ITGBL1: variants seen among roughly 807,000 people sequenced by gnomAD.
ITGBL1 encodes the protein integrin subunit beta like 1.
ITGBL1 carries 51 observed loss-of-function variants against 68.5 expected under a neutral mutation model. The ratio of observed to expected loss-of-function variants is 0.74; its 90% confidence interval spans 0.59 to 0.94. ITGBL1 has a LOEUF of 0.94. ITGBL1 is among the 40% of genes least tolerant of loss of function. The pLI is 0.00. For missense variants in ITGBL1, 649 were observed against 647.4 expected (o/e 1.00, Z -0.03); for synonymous variants, 209 against 227.3 (o/e 0.92, Z 0.72).
Position 101,706,881 on chromosome 13 carries a change from G to A in ITGBL1, c.1258G>A (p.Gly420Ser), listed in dbSNP as rs757640244. The A allele has an allele frequency of 2.5e-6, 4 of 1,614,066 alleles. No homozygotes were observed. Among genetic ancestry groups the A allele is most frequent in the South Asian group, 2.2e-5 (2 of 91,080 alleles). The change falls in exon 9 of 11, where the codon GGC becomes AGC. Residue 420 changes from glycine to serine, a missense_variant. By Grantham distance (56) the Gly-to-Ser change is moderately conservative (BLOSUM62 0). Coordinates refer to ENST00000376180, the MANE Select transcript of ITGBL1 (RefSeq NM_004791.3). Reference protein sequence around the residue: ...QSKNLCESADGILCSGKGSCH... With the variant: ...QSKNLCESADSILCSGKGSCH... ...CAAGAATCTGTGTGAATCAGCAGAT[G>A]GCATATTGTGCTCGGGGAAGGGTGA...
At position 101,453,880 on chromosome 13, in the gene ITGBL1, C is replaced by T; in HGVS notation, c.99-3C>T. 1 of 1,240,726 alleles carries T rather than the reference C, an allele frequency of 8.1e-7. No individual in the cohort carries two copies. 76.9% of individuals were successfully genotyped at this position (1,240,726 alleles called of 1,614,324 possible). The stretch of plus-strand genomic sequence containing the variant: ...GCCTGCCGGTTGCTTGTCGCCCGCG[C>T]AGGAGCTGGCCGGGCGCCGCCTGCA... On this transcript the variant is annotated splice_polypyrimidine_tract_variant and splice_region_variant and intron_variant, in intron 1 of 10. Transcript: ENST00000376180.
chr13:101,466,814 C>G (rs181012321), intron 2 of ITGBL1, among the ~76,000 whole-genome samples: 1 of 152,270 alleles, frequency 6.6e-6, no homozygotes, highest in African/African-American at 2.4e-5. Context: ...GAATTACTGT[C>G]TAGTGTCCTT....
chr13:101,702,213 CTT>C (rs1399819013), intron 8 of ITGBL1, among the ~76,000 whole-genome samples: 1 of 152,128 alleles, frequency 6.6e-6, no homozygotes, highest in Non-Finnish European at 1.5e-5. Flanking sequence ...TCATCTCTCT[CTT>C]AATTTTCATA....
At chr13:101,662,332 T>C (rs1343454771) in intron 7 of ITGBL1, among the ~76,000 whole-genome samples, 1 of 152,188 alleles carries the variant, frequency 6.6e-6, no homozygotes, top group Admixed American at 6.6e-5. Context: ...TGAGCTCTTT[T>C]GATTTTATTG....
chr13:101,517,177 G>T (rs1441135717), intron 2 of ITGBL1, among the ~76,000 whole-genome samples: 1 of 151,996 alleles, frequency 6.6e-6, no homozygotes. Context: ...TGCATTTCAG[G>T]CAAGAGACCA....
intron 7 of ITGBL1, among the ~76,000 whole-genome samples, chr13:101,640,606 C>T (rs1232119862): frequency 6.6e-6 from 1 of 151,950 alleles, no homozygotes; most frequent in Non-Finnish European, 1.5e-5. Flanking sequence ...TTTTAATTTG[C>T]ATTTATTTTA....
chr13:101,679,133 C>A (rs988754072), intron 7 of ITGBL1, among the ~76,000 whole-genome samples: 2 of 152,032 alleles, frequency 1.3e-5, no homozygotes, highest in African/African-American at 4.8e-5. Context: ...GTCTCCATCT[C>A]CTGACCTCGT....
At chr13:101,455,626 T>G (rs2048233120) in intron 2 of ITGBL1, among the ~76,000 whole-genome samples, 1 of 152,238 alleles carries the variant, frequency 6.6e-6, no homozygotes, top group Non-Finnish European at 1.5e-5. Flanking sequence ...ATCATGCCAC[T>G]GCACTCCAGC....
At chr13:101,697,951 C>T (rs1007467928) in intron 8 of ITGBL1, among the ~76,000 whole-genome samples, 10 of 152,172 alleles carry the variant, frequency 6.6e-5, no homozygotes, top group African/African-American at 1.9e-4. Context: ...CTCTGTACCT[C>T]GGGGAGGAAA....
chr13:101,546,797 A>C (rs2049832952), intron 2 of ITGBL1, among the ~76,000 whole-genome samples: 1 of 152,068 alleles, frequency 6.6e-6, no homozygotes, highest in Non-Finnish European at 1.5e-5. Context: ...AATCTGACTC[A>C]AAAAGAGATA....
intron 7 of ITGBL1, among the ~76,000 whole-genome samples, chr13:101,621,644 C>T (rs2031588153): frequency 1.3e-5 from 2 of 152,122 alleles, no homozygotes; most frequent in Non-Finnish European, 2.9e-5. Flanking sequence ...TCCATCTCTT[C>T]TGAAGACTTT....
intron 2 of ITGBL1, among the ~76,000 whole-genome samples, chr13:101,526,659 A>ATATG (rs1555356331): frequency 1.1e-3 from 168 of 149,404 alleles, no homozygotes; most frequent in African/African-American, 3.9e-3. Flanking sequence ...TTGAAGTTAT[A>ATATG]TGTGTGTGTG....
At chr13:101,608,795 C>G (rs939382262) in intron 7 of ITGBL1, among the ~76,000 whole-genome samples, 4 of 152,018 alleles carry the variant, frequency 2.6e-5, no homozygotes, top group Non-Finnish European at 4.4e-5. Context: ...CCATTTGAAA[C>G]CTAGTTTTTA....
chr13:101,603,690 T>TA lies in ITGBL1; in HGVS notation c.1015+5391_1015+5392insA, dbSNP rs576794289. ...AGGAAGGCTAACCACTGTCTCTTTTTTAAAAAAAATGTGTGTGTATTTTCA... is the reference window on the plus strand; with the variant it reads ...AGGAAGGCTAACCACTGTCTCTTTTTATAAAAAAAATGTGTGTGTATTTTCA... On this transcript the variant is annotated intron_variant, in intron 7 of 10. Transcript: ENST00000376180. 7.0e-3 allele frequency among the ~76,000 whole-genome samples: 700 copies of TA among 99,536 alleles called. 3 individuals are homozygous for TA. Among genetic ancestry groups the TA allele is most frequent in the Non-Finnish European group, 0.013 (503 of 37,380 alleles). 65.3% of individuals were successfully genotyped at this position (99,536 alleles called of 152,430 possible).
chr13:101,505,974 C>A (rs2049020731), intron 2 of ITGBL1, among the ~76,000 whole-genome samples: 1 of 152,170 alleles, frequency 6.6e-6, no homozygotes, highest in Non-Finnish European at 1.5e-5. Context: ...CCTTTTTTGG[C>A]TGCATGTCGG....
At chr13:101,577,546 G>A (rs75422094) in intron 4 of ITGBL1, among the ~76,000 whole-genome samples, 2 of 152,238 alleles carry the variant, frequency 1.3e-5, no homozygotes, top group South Asian at 2.1e-4. Flanking sequence ...GTACTGAATT[G>A]TATAAATATT....
At chr13:101,664,172 G>A (rs984347756) in intron 7 of ITGBL1, among the ~76,000 whole-genome samples, 8 of 152,090 alleles carry the variant, frequency 5.3e-5, no homozygotes, top group Admixed American at 3.3e-4. Context: ...GACTAACTTC[G>A]CAGTTTTATG....
intron 7 of ITGBL1, among the ~76,000 whole-genome samples, chr13:101,607,074 C>T (rs1339097569): frequency 2.0e-5 from 3 of 151,208 alleles, no homozygotes; most frequent in African/African-American, 7.3e-5. Context: ...CTAAAAAAAC[C>T]ATGCATATAT....
At chr13:101,508,684 CTA>C (rs888359711) in intron 2 of ITGBL1, among the ~76,000 whole-genome samples, 59 of 151,886 alleles carry the variant, frequency 3.9e-4, no homozygotes, top group African/African-American at 1.4e-3. Flanking sequence ...TTGTTTTATT[CTA>C]TGTTAGAAGT....
Sources: allele counts gnomAD v4.1 joint callset (sites outside exome capture counted in the v4.1 genomes callset), GRCh38; gene constraint gnomAD v4.1.1; transcripts MANE v1.5; gene names NCBI Gene and HGNC (gene_info 2026-07-23, HGNC 2026-07-21).